WWOX: variants seen among roughly 807,000 people sequenced by gnomAD.
WWOX encodes WW domain containing oxidoreductase, also known as WW domain-containing oxidoreductase.
WWOX carries 69 observed loss-of-function variants against 46.2 expected under a neutral mutation model. The ratio of observed to expected loss-of-function variants is 1.49; its 90% CI spans 1.23 to 1.82. WWOX has a LOEUF of 1.82. WWOX is among the 40% of genes most tolerant of loss of function. The probability of loss-of-function intolerance (pLI) is 0.00; values close to 1 mark genes in which losing one functional copy is unlikely to be tolerated. For missense variants in WWOX, 919 were observed against 542.6 expected, an observed-to-expected ratio of 1.69 and a Z score of -6.89; for synonymous variants, 359 against 202.6, an observed-to-expected ratio of 1.77 and a Z score of -6.56.
chr16:79,037,412 G>T (rs948930388), intron 8 of WWOX, among the ~76,000 whole-genome samples: 1 of 152,114 alleles, frequency 6.6e-6, no homozygotes, highest in Non-Finnish European at 1.5e-5. Context: ...TGTGATTATC[G>T]ATGATGCTGT....
chr16:78,320,765 T>C (rs2080450139), intron 5 of WWOX, among the ~76,000 whole-genome samples: 2 of 152,204 alleles, frequency 1.3e-5, no homozygotes, highest in Non-Finnish European at 2.9e-5. Context: ...GAAGATGGTA[T>C]ACCTTGCCTA....
intron 8 of WWOX, among the ~76,000 whole-genome samples, chr16:78,437,289 A>T (rs2083355637): frequency 6.6e-6 from 1 of 152,144 alleles, no homozygotes; most frequent in African/African-American, 2.4e-5. Context: ...GTCACTCTTC[A>T]TGGAGTCGGG....
intron 8 of WWOX, among the ~76,000 whole-genome samples, chr16:78,754,166 C>G (rs2142462976): frequency 6.6e-6 from 1 of 152,100 alleles, no homozygotes; most frequent in East Asian, 1.9e-4. Flanking sequence ...CTCTAGAGAA[C>G]TTGGTCCCTG....
At chr16:78,688,153 A>G (rs1004454073) in intron 8 of WWOX, among the ~76,000 whole-genome samples, 1 of 152,136 alleles carries the variant, frequency 6.6e-6, no homozygotes, top group African/African-American at 2.4e-5. Context: ...CATTTCAAAT[A>G]TAAGCTAGAA....
Position 78,803,513 on chromosome 16 carries a change from C to T in WWOX, c.1056+370761C>T, listed in dbSNP as rs1052074396. Among the ~76,000 whole-genome samples the T allele has an allele frequency of 9.9e-5, 15 of 152,224 alleles. No individual in the cohort carries two copies. In the South Asian group the frequency reaches 3.1e-3, roughly 32 times the overall value. On this transcript the variant is annotated intron_variant, in intron 8 of 8. Coordinates refer to ENST00000566780, the MANE Select transcript of WWOX (RefSeq NM_016373.4). ...CCATGCTGGAGTGCAGTGGTGCGAT[C>T]ACAGCTTTCTGCAGCATTGACCTTG...
At chr16:78,111,948 CT>C (rs2032514824) in intron 3 of WWOX, 1 of 155,086 alleles carries the variant, frequency 6.4e-6, no homozygotes, top group Admixed American at 6.4e-5. Context: ...ATTCACCCTC[CT>C]TACCCTGCCC....
chr16:78,828,034 A>G (rs758607098), intron 8 of WWOX, among the ~76,000 whole-genome samples: 4 of 152,138 alleles, frequency 2.6e-5, no homozygotes, highest in Non-Finnish European at 5.9e-5. Context: ...AGAGGTGCAC[A>G]TTGCTGCAGG....
At chr16:78,484,527 G>A (rs2084582231) in intron 8 of WWOX, among the ~76,000 whole-genome samples, 1 of 152,174 alleles carries the variant, frequency 6.6e-6, no homozygotes, top group South Asian at 2.1e-4. Flanking sequence ...ATATCTGCGT[G>A]TTATCCACAA....
chr16:78,852,177 G>C (rs1359695657), intron 8 of WWOX, among the ~76,000 whole-genome samples: 6 of 152,196 alleles, frequency 3.9e-5, no homozygotes, highest in Admixed American at 2.6e-4. Context: ...TAGAGAAAGG[G>C]AGATGAGCTT....
At chr16:78,805,619 A>G (rs148784359) in intron 8 of WWOX, among the ~76,000 whole-genome samples, 105 of 152,302 alleles carry the variant, frequency 6.9e-4, no homozygotes, top group African/African-American at 2.3e-3. Flanking sequence ...AGGTAGATGC[A>G]GAAGAGTGGG....
chr16:78,793,309 C>T (rs1243713487), intron 8 of WWOX, among the ~76,000 whole-genome samples: 2 of 152,174 alleles, frequency 1.3e-5, no homozygotes, highest in East Asian at 3.9e-4. Context: ...GATCTGCCTG[C>T]CTCAGCCTCC....
At chr16:78,517,694 G>C (rs1382729555) in intron 8 of WWOX, among the ~76,000 whole-genome samples, 3 of 151,962 alleles carry the variant, frequency 2.0e-5, no homozygotes, top group African/African-American at 7.3e-5. Context: ...GGATGGAAAG[G>C]GCATGCGTTG....
At chr16:78,943,063 A>T (rs1281837442) in intron 8 of WWOX, among the ~76,000 whole-genome samples, 2 of 152,158 alleles carry the variant, frequency 1.3e-5, no homozygotes, top group Non-Finnish European at 2.9e-5. Context: ...GTTTTGTTAA[A>T]TAAGGGCAAT....
chr16:79,031,113 A>G (rs973344677), intron 8 of WWOX, among the ~76,000 whole-genome samples: 2 of 145,202 alleles, frequency 1.4e-5, no homozygotes, highest in Non-Finnish European at 3.0e-5. Context: ...AAAAAAATCC[A>G]GTAGGAAACT....
chr16:78,924,691 A>T (rs11641771), intron 8 of WWOX, among the ~76,000 whole-genome samples: 49,234 of 152,140 alleles, frequency 0.32, 9,025 homozygotes, highest in Admixed American at 0.46. Flanking sequence ...TCTGTGTGGG[A>T]GAGTAACCAT....
At chr16:78,870,448 G>A (rs756144902) in intron 8 of WWOX, among the ~76,000 whole-genome samples, 4 of 151,738 alleles carry the variant, frequency 2.6e-5, no homozygotes, top group Non-Finnish European at 5.9e-5. Context: ...GGGGATAACC[G>A]GAATTGATAC....
chr16:78,262,113 A>AAAT (rs1555510743), intron 5 of WWOX, among the ~76,000 whole-genome samples: 3 of 150,540 alleles, frequency 2.0e-5, no homozygotes, highest in African/African-American at 7.3e-5. Flanking sequence ...AAAAAAAAAA[A>AAAT]AAAAAAGAAG....
chr16:78,482,452 A>C (rs988529022), intron 8 of WWOX, among the ~76,000 whole-genome samples: 3 of 152,142 alleles, frequency 2.0e-5, no homozygotes, highest in Admixed American at 6.5e-5. Context: ...CGAACTCCTC[A>C]CTTCAGGTGA....
At chr16:78,100,672 A>C (rs1200432397) in intron 1 of WWOX, among the ~76,000 whole-genome samples, 1 of 152,174 alleles carries the variant, frequency 6.6e-6, no homozygotes, top group Non-Finnish European at 1.5e-5. Flanking sequence ...ATAACGTTTA[A>C]TCTTGGTTTT....
Sources: allele counts gnomAD v4.1 joint callset (sites outside exome capture counted in the v4.1 genomes callset), GRCh38; gene constraint gnomAD v4.1.1; transcripts MANE v1.5; gene names NCBI Gene and HGNC (gene_info 2026-07-23, HGNC 2026-07-21).